Variants in TCF12 observed in about 807,000 individuals in gnomAD.
The protein encoded by TCF12 is transcription factor 12.
In TCF12, 45 loss-of-function variants were observed where a neutral mutation model predicts 86.0. That is an observed-to-expected ratio of 0.52 (90% confidence interval 0.41 to 0.67). The LOEUF is 0.67. TCF12 is among the 30% of genes least tolerant of loss of function. The probability of loss-of-function intolerance (pLI) is 0.00; values close to 1 mark genes in which losing one functional copy is unlikely to be tolerated. For synonymous variants in TCF12, 330 were observed against 299.6 expected (o/e 1.10, Z -1.05); for missense variants, 881 against 859.9 (o/e 1.02, Z -0.31).
intron 3 of TCF12, among the ~76,000 whole-genome samples, chr15:57,033,280 A>T (rs866923822): frequency 1.3e-5 from 2 of 152,226 alleles, no homozygotes; most frequent in Non-Finnish European, 2.9e-5. Flanking sequence ...GCTGAAAACT[A>T]TGATTGTGTT....
intron 5 of TCF12, among the ~76,000 whole-genome samples, chr15:57,101,111 A>G (rs1477500162): frequency 6.6e-6 from 1 of 151,764 alleles, no homozygotes; most frequent in South Asian, 2.1e-4. Context: ...TTCATAATTC[A>G]TGGTTTTTGT....
intron 5 of TCF12, among the ~76,000 whole-genome samples, chr15:57,094,168 A>C (rs1452952213): frequency 6.6e-6 from 1 of 152,196 alleles, no homozygotes; most frequent in Non-Finnish European, 1.5e-5. Flanking sequence ...AATTATAGGC[A>C]TGAGCCACCA....
chr15:57,001,465 C>T (rs764903116), intron 3 of TCF12: 1 of 171,808 alleles, frequency 5.8e-6, no homozygotes. Context: ...AATTCGCTGA[C>T]ATGATTTCTA....
At chr15:56,923,068 T>A (rs2059860937) in intron 3 of TCF12, among the ~76,000 whole-genome samples, 1 of 152,000 alleles carries the variant, frequency 6.6e-6, no homozygotes, top group African/African-American at 2.4e-5. Context: ...TAGTAAAGAT[T>A]AGGGTTTTTT....
At chr15:57,007,764 TTCTTTCTTTCTTTCTTTCTTTCTTTCTC>T (rs1189779020) in intron 3 of TCF12, among the ~76,000 whole-genome samples, 2,189 of 40,800 alleles carry the variant, frequency 0.054, 57 homozygotes, top group South Asian at 0.13. Flanking sequence ...CCTTCTTTCT[TTCTTTCTTTCTTTCTTTCTTTCTTTCTC>T]TCTTTCTTTC....
At chr15:57,108,711 T>G (rs1383064159) in intron 5 of TCF12, among the ~76,000 whole-genome samples, 2 of 151,748 alleles carry the variant, frequency 1.3e-5, no homozygotes, top group African/African-American at 4.8e-5. Context: ...GGAAATGGAG[T>G]TGAGAAAAAT....
chr15:57,109,992 A>G (rs2050381485), intron 5 of TCF12, among the ~76,000 whole-genome samples: 1 of 152,200 alleles, frequency 6.6e-6, no homozygotes, highest in Non-Finnish European at 1.5e-5. Context: ...TAATATTTCT[A>G]ATGAGAAAGT....
chr15:57,211,746 G>T (rs1451298613), intron 8 of TCF12, among the ~76,000 whole-genome samples: 1 of 152,172 alleles, frequency 6.6e-6, no homozygotes, highest in African/African-American at 2.4e-5. Context: ...TTGAGGCCAG[G>T]AGTTCAAGAC....
At chr15:57,004,596 A>G (rs1596066891) in intron 3 of TCF12, among the ~76,000 whole-genome samples, 1 of 152,074 alleles carries the variant, frequency 6.6e-6, no homozygotes, top group South Asian at 2.1e-4. Context: ...TTTTTAGTAG[A>G]GACGGGGTTT....
At position 57,263,320 on chromosome 15, in the gene TCF12, G is replaced by T. The variant is rs778019239; in HGVS notation, c.1745+46G>T. ...TTTAAATTTTATTCATTTTCCATAG[G>T]TAAACATACTTGAGAAGCTGGGTGT... On this transcript the variant is annotated intron_variant, in intron 18 of 20. Transcript: ENST00000333725. 5.1e-6 allele frequency: 8 copies of T among 1,572,742 alleles called. No homozygotes were observed. The South Asian group carries it at 9.4e-5, about 18-fold the overall frequency.
intron 3 of TCF12, 72 bp from the exon 4 acceptor site, chr15:57,063,678 C>T: frequency 1.5e-6 from 2 of 1,330,632 alleles, no homozygotes; most frequent in East Asian, 2.3e-5. Flanking sequence ...AAATTGTACT[C>T]TGCTGTCCCG....
chr15:56,921,422 G>A (rs935253140), intron 3 of TCF12, among the ~76,000 whole-genome samples: 2 of 127,600 alleles, frequency 1.6e-5, no homozygotes, highest in Admixed American at 7.6e-5. Flanking sequence ...TTATGATAAT[G>A]TTTAGAGTAA....
At chr15:57,116,147 A>G (rs1567453725) in intron 5 of TCF12, among the ~76,000 whole-genome samples, 1 of 152,142 alleles carries the variant, frequency 6.6e-6, no homozygotes, top group Non-Finnish European at 1.5e-5. Context: ...ACTTGACACT[A>G]TCAGTAGTGA....
chr15:57,104,048 G>T (rs941337816), intron 5 of TCF12, among the ~76,000 whole-genome samples: 19 of 152,072 alleles, frequency 1.2e-4, no homozygotes, highest in Non-Finnish European at 5.9e-5. Flanking sequence ...ATAGTATTTT[G>T]TGATAGGATT....
chr15:56,961,842 A>G (rs1479758394), intron 3 of TCF12, among the ~76,000 whole-genome samples: 1 of 152,116 alleles, frequency 6.6e-6, no homozygotes, highest in Non-Finnish European at 1.5e-5. Flanking sequence ...CTAGGTGGTG[A>G]TATAAAATAT....
At chr15:57,108,888 G>A (rs1348115031) in intron 5 of TCF12, among the ~76,000 whole-genome samples, 1 of 152,100 alleles carries the variant, frequency 6.6e-6, no homozygotes, top group Non-Finnish European at 1.5e-5. Context: ...TTTATTGTCT[G>A]CAAAACAAAA....
chr15:57,015,351 C>T (rs1429388759), intron 3 of TCF12, among the ~76,000 whole-genome samples: 11 of 152,152 alleles, frequency 7.2e-5, no homozygotes, highest in African/African-American at 2.2e-4. Flanking sequence ...GTCTCCCACC[C>T]GTTTCCAGAT....
At chr15:57,080,911 T>C (rs1311474479) in intron 4 of TCF12, among the ~76,000 whole-genome samples, 2 of 152,230 alleles carry the variant, frequency 1.3e-5, no homozygotes, top group South Asian at 2.1e-4. Context: ...ATGGGAATTA[T>C]GTTAGCATCC....
chr15:57,273,393 G>A, intron 19 of TCF12, 131 bp downstream of exon 19: 6 of 953,688 alleles, frequency 6.3e-6, no homozygotes, highest in Non-Finnish European at 9.3e-6. Context: ...TATCATCAGG[G>A]TCGTTTTTCC....
Sources: allele counts gnomAD v4.1 joint callset (sites outside exome capture counted in the v4.1 genomes callset), GRCh38; gene constraint gnomAD v4.1.1; transcripts MANE v1.5; gene names NCBI Gene and HGNC (gene_info 2026-07-23, HGNC 2026-07-21).